The following NRDE2 variants were observed in gnomAD, a reference collection of about 807,000 sequenced individuals.
NRDE2 encodes the protein nuclear exosome regulator NRDE2.
NRDE2 carries 76 observed loss-of-function variants against 124.2 expected under a neutral mutation model. The ratio of observed to expected loss-of-function variants is 0.61; its 90% CI spans 0.51 to 0.74. The LOEUF is 0.74. Ranked by LOEUF, NRDE2 falls within the 30% of genes least tolerant of loss-of-function variation. The pLI, the probability that NRDE2 is intolerant of heterozygous loss-of-function variation, is 0.00. For synonymous variants in NRDE2, 489 were observed against 528.1 expected, an observed-to-expected ratio of 0.93 and a Z score of 1.01; for missense variants, 1,314 against 1,417.3, an observed-to-expected ratio of 0.93 and a Z score of 1.17.
chr14:90,301,463 A>G, intron 6 of NRDE2, 91 bp from the exon 7 acceptor site: 5 of 1,211,410 alleles, frequency 4.1e-6, no homozygotes, highest in Non-Finnish European at 4.7e-6. Flanking sequence ...TAACACATTG[A>G]GAACACCTTT....
intron 5 of NRDE2, among the ~76,000 whole-genome samples, 165 bp from the exon 6 acceptor site, chr14:90,303,290 C>T (rs1884472866): frequency 6.6e-6 from 1 of 152,188 alleles, no homozygotes; most frequent in South Asian, 2.1e-4. Context: ...CTTGTGTCAC[C>T]TGATATGTTT....
rs771139231 is a variant in NRDE2, at chr14:90,290,436, A to G, written c.2014T>C (p.Tyr672His). The change falls in exon 10 of 14, where the codon TAT becomes CAT. Residue 672 changes from tyrosine (Y) to histidine (H), a missense_variant. By Grantham distance (83) the Tyr-to-His change is moderately conservative. Coordinates refer to ENST00000354366, the MANE Select transcript of NRDE2 (RefSeq NM_017970.4). ...DENSIFDNGLYDEKPLTFFNP... is the reference protein window; with the variant it reads ...DENSIFDNGLHDEKPLTFFNP... ...AAAAAAGTCAAGGGCTTTTCATCAT[A>G]AAGTCCATTATCAAAGATGCTGTTC... is the stretch of plus-strand genomic sequence containing the variant. 8.7e-6 allele frequency: 14 copies of G among 1,613,992 alleles called. No individual in the cohort carries two copies. Among genetic ancestry groups the G allele is most frequent in the South Asian group, 6.6e-5 (6 of 91,090 alleles).
At chr14:90,324,983 C>T (rs1197984165) in intron 1 of NRDE2, among the ~76,000 whole-genome samples, 2 of 151,824 alleles carry the variant, frequency 1.3e-5, no homozygotes, top group African/African-American at 4.8e-5. Context: ...TTTTAGGAGG[C>T]TGTTGTAGTA....
chr14:90,280,626 G>A (rs904132080), intron 12 of NRDE2: 1 of 152,296 alleles, frequency 6.6e-6, no homozygotes, highest in African/African-American at 2.4e-5. Context: ...AAAGCTTGGT[G>A]GGGACCACGT....
At position 90,301,247 on chromosome 14, in the gene NRDE2, T is replaced by C. The variant is rs1884388711; in HGVS notation, c.1537A>G (p.Lys513Glu). 2 of 1,613,572 alleles carry C rather than the reference T, an allele frequency of 1.2e-6. No individual in the cohort carries two copies. The highest frequency in any genetic ancestry group is 2.2e-5 in the East Asian group (1 of 44,836). Residue 513 changes from lysine to glutamate, a missense_variant, in exon 7 of 14, where the codon AAA becomes GAA. Coordinates refer to ENST00000354366, the MANE Select transcript of NRDE2 (RefSeq NM_017970.4). ...KPDSVKDLPT[K>E]GQVEFFEPFW... is the part of the protein sequence containing the mutation. The stretch of plus-strand genomic sequence containing the variant: ...CGAGCAGAGCTGGGTACCTGTCCTT[T>C]GGTAGGCAGATCTTTCACGCTGTCG...
At chr14:90,309,929 T>C (rs1884766027) in intron 4 of NRDE2, among the ~76,000 whole-genome samples, 1 of 152,190 alleles carries the variant, frequency 6.6e-6, no homozygotes, top group Non-Finnish European at 1.5e-5. Context: ...TGTTTCCAAT[T>C]ACTCTCTCCC....
chr14:90,319,193 C>A (rs1328176582), intron 1 of NRDE2, among the ~76,000 whole-genome samples: 1 of 152,084 alleles, frequency 6.6e-6, no homozygotes, highest in Admixed American at 6.6e-5. Flanking sequence ...AGGGAGCCCA[C>A]GGGGGGTTTG....
chr14:90,290,962 T>C (rs541786878), intron 9 of NRDE2, among the ~76,000 whole-genome samples: 1 of 152,350 alleles, frequency 6.6e-6, no homozygotes, highest in East Asian at 1.9e-4. Flanking sequence ...ATAATTGCTT[T>C]TGTACTTTGA....
rs115547436 is a variant in NRDE2 at position 90,308,367 on chromosome 14, G to A, written c.558-3985C>T. ...CACAGTGTCACTGCGGGATGCTCAC[G>A]GGAGTAGAGGATGTGCTACTCTATA... On this transcript the variant is annotated intron_variant, in intron 4 of 13. Transcript: ENST00000354366. 9.6e-4 allele frequency among the ~76,000 whole-genome samples: 146 copies of A among 152,212 alleles called. 1 individual carries two copies. Among genetic ancestry groups the A allele is most frequent in the African/African-American group, 3.4e-3 (140 of 41,540 alleles).
intron 4 of NRDE2, among the ~76,000 whole-genome samples, chr14:90,308,925 T>C (rs1168388366): frequency 6.6e-6 from 1 of 151,210 alleles, no homozygotes; most frequent in Admixed American, 6.6e-5. Flanking sequence ...GTGAGGAGAG[T>C]TGCTGCAGTA....
rs1052557124 is a variant in NRDE2 at position 90,269,746 on chromosome 14, G to C, written c.*8590C>G. ...TATGGTCTGTGCACCTTGGCCCTTTGAATTCCAGTCTTATGTCTTGTCTTT... is the reference window on the plus strand; with the variant it reads ...TATGGTCTGTGCACCTTGGCCCTTTCAATTCCAGTCTTATGTCTTGTCTTT... On this transcript the variant is annotated 3_prime_UTR_variant, in exon 14 of 14. Coordinates refer to ENST00000354366, the MANE Select transcript of NRDE2 (RefSeq NM_017970.4). The C allele has an allele frequency of 8.8e-5, 43 of 489,630 alleles. No individual in the cohort carries two copies. Among genetic ancestry groups the C allele is most frequent in the African/African-American group, 7.9e-4 (40 of 50,378 alleles). The allele number at this position is 489,630 out of a possible 1,614,324, so 30.3% of individuals were successfully genotyped here.
chr14:90,306,153 T>C (rs1405550854), intron 4 of NRDE2, among the ~76,000 whole-genome samples: 1 of 152,156 alleles, frequency 6.6e-6, no homozygotes, highest in Non-Finnish European at 1.5e-5. Context: ...ATATTAAAAT[T>C]TTTTCCTAAT....
At chr14:90,284,173 C>A (rs1892033882) in intron 12 of NRDE2, among the ~76,000 whole-genome samples, 1 of 152,078 alleles carries the variant, frequency 6.6e-6, no homozygotes, top group African/African-American at 2.4e-5. Flanking sequence ...CCGATGAATT[C>A]TGGAATCAAA....
At chr14:90,317,058 T>C (rs2139706860) in intron 2 of NRDE2, among the ~76,000 whole-genome samples, 1 of 152,258 alleles carries the variant, frequency 6.6e-6, no homozygotes, top group East Asian at 1.9e-4. Context: ...TACTTTCTTA[T>C]TTATACATCT....
intron 12 of NRDE2, chr14:90,280,127 G>GT (rs1267829724): frequency 9.6e-4 from 144 of 150,412 alleles, no homozygotes; most frequent in African/African-American, 1.3e-3. Context: ...GGTTTTTTTG[G>GT]TTTTTTTTTT....
chr14:90,317,256 AAAT>A (rs145165721), intron 2 of NRDE2, among the ~76,000 whole-genome samples: 2 of 152,216 alleles, frequency 1.3e-5, no homozygotes, highest in East Asian at 1.9e-4. Flanking sequence ...TTTATTTTAA[AAAT>A]AATAATAATA....
chr14:90,330,842 G>A (rs192639490), intron 1 of NRDE2, among the ~76,000 whole-genome samples: 1 of 151,134 alleles, frequency 6.6e-6, no homozygotes, highest in East Asian at 1.9e-4. Flanking sequence ...AAACGTTACA[G>A]AAAGTGTAGG....
intron 1 of NRDE2, among the ~76,000 whole-genome samples, chr14:90,330,024 C>G (rs905477071): frequency 1.3e-5 from 2 of 150,780 alleles, no homozygotes; most frequent in African/African-American, 2.4e-5. Context: ...CTGGCCAAAA[C>G]AGTGAAACCC....
At chr14:90,298,474 A>G in intron 7 of NRDE2, 94 bp from the exon 8 acceptor site, 1 of 1,255,280 alleles carries the variant, frequency 8.0e-7, no homozygotes, top group African/African-American at 1.5e-5. Context: ...AGAGAAGCTT[A>G]TGATCCTTGA....
Sources: gnomAD v4.1 joint callset for allele counts (sites outside exome capture counted in the v4.1 genomes callset) on GRCh38, gnomAD v4.1.1 for gene constraint, MANE v1.5 for transcripts, NCBI Gene and HGNC (gene_info 2026-07-23, HGNC 2026-07-21) for gene names.